GRID2: variants seen among roughly 807,000 people sequenced by gnomAD.
GRID2 encodes glutamate ionotropic receptor delta type subunit 2, also known as glutamate receptor ionotropic, delta-2.
In GRID2, 33 loss-of-function variants were observed where a neutral mutation model predicts 114.8. The ratio of observed to expected loss-of-function variants is 0.29; its 90% CI spans 0.22 to 0.38. The LOEUF (loss-of-function observed/expected upper bound fraction) is 0.38. GRID2 is among the 10% of genes least tolerant of loss of function. The pLI, the probability that GRID2 is intolerant of heterozygous loss-of-function variation, is 1.00. For synonymous variants in GRID2, 505 were observed against 449.9 expected (o/e 1.12, Z -1.55); for missense variants, 1,184 against 1,257.7 (o/e 0.94, Z 0.89).
At chr4:92,329,557 T>G (rs960097755) in intron 1 of GRID2, among the ~76,000 whole-genome samples, 3 of 152,052 alleles carry the variant, frequency 2.0e-5, no homozygotes, top group African/African-American at 7.2e-5. Flanking sequence ...CCTGTCTACT[T>G]TATAGAGTTG....
At chr4:93,033,269 C>T (rs1724603878) in intron 2 of GRID2, among the ~76,000 whole-genome samples, 1 of 152,148 alleles carries the variant, frequency 6.6e-6, no homozygotes, top group Non-Finnish European at 1.5e-5. Context: ...GAAGGACTCA[C>T]AGAACTCATT....
rs200098114 is a variant in GRID2, at chr4:93,652,784, TAAAAAAAAAAAAAAAAAAA to T, written c.2360+26359_2360+26377del. 1.6e-3 allele frequency among the ~76,000 whole-genome samples: 134 copies of T among 86,396 alleles called. 5 individuals are homozygous for T. In the East Asian group the frequency reaches 0.067, roughly 43 times the overall value. The allele number at this position is 86,396 out of a possible 152,430, so 56.7% of individuals were successfully genotyped here. A position where few individuals can be genotyped will look rare whatever the true frequency, so the allele number is the denominator to read the frequency against. On this transcript the variant is annotated intron_variant, in intron 14 of 15. Transcript: ENST00000282020. ...GAATGACAGTAAATGCAGTAAATGC[TAAAAAAAAAAAAAAAAAAA>T]AAAAAAAAATGAACTGGAACAAAAG...
chr4:92,785,841 A>G (rs566316762), intron 2 of GRID2, among the ~76,000 whole-genome samples: 54 of 152,022 alleles, frequency 3.6e-4, no homozygotes, highest in African/African-American at 1.1e-3. Flanking sequence ...AGCTTTAAAA[A>G]AAACTTTTTT....
intron 2 of GRID2, among the ~76,000 whole-genome samples, chr4:92,678,625 T>A (rs1051014205): frequency 8.6e-5 from 13 of 151,492 alleles, no homozygotes; most frequent in African/African-American, 3.1e-4. Flanking sequence ...TTACTTTTTT[T>A]AAAATAAATT....
intron 2 of GRID2, among the ~76,000 whole-genome samples, chr4:92,676,256 C>G (rs1403536147): frequency 0.1 from 1 of 10 alleles, no homozygotes; most frequent in African/African-American, 0.25. Context: ...TCTCGGCTCA[C>G]TGCAAGTCCG....
chr4:92,868,725 G>A (rs2149443832), intron 2 of GRID2, among the ~76,000 whole-genome samples: 1 of 152,064 alleles, frequency 6.6e-6, no homozygotes, highest in East Asian at 1.9e-4. Flanking sequence ...GTGTGTGTGT[G>A]TGTGTAGGAT....
intron 2 of GRID2, among the ~76,000 whole-genome samples, chr4:92,921,623 G>T (rs374016067): frequency 3.9e-5 from 6 of 152,162 alleles, no homozygotes; most frequent in Non-Finnish European, 1.5e-5. Context: ...TCCAGACCCT[G>T]TTTACCTGAG....
chr4:92,791,841 C>T (rs1000598119), intron 2 of GRID2, among the ~76,000 whole-genome samples: 2 of 151,730 alleles, frequency 1.3e-5, no homozygotes, highest in Non-Finnish European at 2.9e-5. Context: ...AATACAAACT[C>T]GAATTGGAAG....
At chr4:92,890,591 A>C (rs185883607) in intron 2 of GRID2, among the ~76,000 whole-genome samples, 1 of 152,232 alleles carries the variant, frequency 6.6e-6, no homozygotes, top group Non-Finnish European at 1.5e-5. Context: ...TAGAATGGCA[A>C]TCATTCAAAA....
rs1172583771 is a variant in GRID2 at position 92,652,736 on chromosome 4, TG to T, written c.244+62457del. Reference sequence around the variant, plus strand: ...CTGTAATCCCAGCACTTTGGGAGGCTGGGGGGGTTGGGGGGTGGATCACAAG... The same window carrying T: ...CTGTAATCCCAGCACTTTGGGAGGCTGGGGGGTTGGGGGGTGGATCACAAG... On this transcript the variant is annotated intron_variant, in intron 2 of 15. Transcript: ENST00000282020. Among the ~76,000 whole-genome samples the T allele has an allele frequency of 5.8e-5, 8 of 138,850 alleles. No individual in the cohort carries two copies. In the East Asian group the frequency reaches 6.8e-4, roughly 12 times the overall value. 91.1% of individuals were successfully genotyped at this position (138,850 alleles called of 152,430 possible).
intron 14 of GRID2, among the ~76,000 whole-genome samples, chr4:93,759,237 G>A (rs898042333): frequency 6.6e-6 from 1 of 152,016 alleles, no homozygotes; most frequent in Admixed American, 6.6e-5. Context: ...TTGCTTCTCC[G>A]CGAACAGGGC....
intron 1 of GRID2, among the ~76,000 whole-genome samples, chr4:92,452,841 CAT>C (rs796598157): frequency 4.1e-4 from 59 of 144,108 alleles, no homozygotes; most frequent in African/African-American, 1.2e-3. Context: ...ATATATTTAC[CAT>C]ATATATATAT....
intron 2 of GRID2, among the ~76,000 whole-genome samples, chr4:92,605,624 T>C (rs1224552383): frequency 7.2e-5 from 11 of 152,098 alleles, no homozygotes; most frequent in Middle Eastern, 3.2e-3. Flanking sequence ...GGTTGAGTAG[T>C]AGACAGACAT....
At chr4:93,158,033 T>C (rs1579145371) in intron 4 of GRID2, among the ~76,000 whole-genome samples, 2 of 151,952 alleles carry the variant, frequency 1.3e-5, no homozygotes, top group East Asian at 3.9e-4. Flanking sequence ...GAAAGCTATA[T>C]GTTAATAAAT....
At chr4:93,561,931 G>A (rs1310410748) in intron 13 of GRID2, among the ~76,000 whole-genome samples, 1 of 152,058 alleles carries the variant, frequency 6.6e-6, no homozygotes. Flanking sequence ...TTAGCCTACT[G>A]AAGTACATCT....
intron 1 of GRID2, among the ~76,000 whole-genome samples, chr4:92,458,915 T>C (rs1312146310): frequency 1.3e-5 from 2 of 152,204 alleles, no homozygotes; most frequent in Admixed American, 6.5e-5. Context: ...ACTTCATTCT[T>C]CCATGCTCTG....
At chr4:93,064,963 A>G (rs561592621) in intron 2 of GRID2, among the ~76,000 whole-genome samples, 91 of 151,970 alleles carry the variant, frequency 6.0e-4, no homozygotes, top group African/African-American at 2.1e-3. Flanking sequence ...CTGTTGTTTT[A>G]TAAATGGAAA....
intron 8 of GRID2, among the ~76,000 whole-genome samples, chr4:93,351,134 C>T (rs1234458652): frequency 6.6e-6 from 1 of 152,044 alleles, no homozygotes; most frequent in Non-Finnish European, 1.5e-5. Context: ...GGGATTATTA[C>T]AATTAAAGGT....
At chr4:93,425,545 C>T (rs17272388) in intron 10 of GRID2, among the ~76,000 whole-genome samples, 6,179 of 152,234 alleles carry the variant, frequency 0.041, 193 homozygotes, top group South Asian at 0.077. Context: ...GTAATCCCCT[C>T]TTTAGCACGT....
Sources: allele counts gnomAD v4.1 joint callset (sites outside exome capture counted in the v4.1 genomes callset), GRCh38; gene constraint gnomAD v4.1.1; transcripts MANE v1.5; gene names NCBI Gene and HGNC (gene_info 2026-07-23, HGNC 2026-07-21).